The following RABGAP1L variants were observed in gnomAD, a reference collection of about 807,000 sequenced individuals.
RABGAP1L encodes rab GTPase-activating protein 1-like.
A neutral mutation model predicts 137.7 loss-of-function variants in RABGAP1L; 63 were observed. The ratio of observed to expected loss-of-function variants is 0.46; its 90% CI spans 0.37 to 0.56. The LOEUF (loss-of-function observed/expected upper bound fraction) is 0.56, where lower values mean the gene tolerates loss of function less well. Ranked by LOEUF, RABGAP1L falls within the 20% of genes least tolerant of loss-of-function variation. The pLI is 0.00. For synonymous variants in RABGAP1L, 431 were observed against 433.7 expected (o/e 0.99, Z 0.08); for missense variants, 1,095 against 1,244.0 (o/e 0.88, Z 1.80).
intron 1 of RABGAP1L, among the ~76,000 whole-genome samples, chr1:174,211,687 C>T (rs1668897636): frequency 6.6e-6 from 1 of 152,008 alleles, no homozygotes; most frequent in Admixed American, 6.6e-5. Flanking sequence ...AGAGTAGTGG[C>T]TGAATGTATA....
At chr1:174,959,862 T>C (rs1168783103) in intron 20 of RABGAP1L, among the ~76,000 whole-genome samples, 1 of 152,192 alleles carries the variant, frequency 6.6e-6, no homozygotes, top group Non-Finnish European at 1.5e-5. Context: ...CAATATGCAG[T>C]TTAAGAAGCC....
chr1:174,890,942 T>C (rs1390191163), intron 19 of RABGAP1L, among the ~76,000 whole-genome samples: 1 of 152,246 alleles, frequency 6.6e-6, no homozygotes, highest in Admixed American at 6.5e-5. Flanking sequence ...CAGTGAGTAA[T>C]CTTATATAAC....
At chr1:174,589,662 C>G (rs1669400384) in intron 13 of RABGAP1L, among the ~76,000 whole-genome samples, 1 of 152,152 alleles carries the variant, frequency 6.6e-6, no homozygotes, top group African/African-American at 2.4e-5. Flanking sequence ...GGTCTAGTTT[C>G]ATTCTTCTGC....
chr1:174,866,343 G>T (rs140588606), intron 19 of RABGAP1L, among the ~76,000 whole-genome samples: 1 of 152,108 alleles, frequency 6.6e-6, no homozygotes, highest in Non-Finnish European at 1.5e-5. Flanking sequence ...CATTGCCACT[G>T]CCACCACTAT....
chr1:174,562,639 T>C (rs1381185216), intron 13 of RABGAP1L, among the ~76,000 whole-genome samples: 10 of 152,042 alleles, frequency 6.6e-5, no homozygotes, highest in Admixed American at 6.6e-4. Flanking sequence ...GATAAAGAAA[T>C]GTGGCACGTA....
At chr1:174,441,948 A>G (rs1269132556) in intron 13 of RABGAP1L, among the ~76,000 whole-genome samples, 2 of 151,986 alleles carry the variant, frequency 1.3e-5, no homozygotes, top group Non-Finnish European at 2.9e-5. Flanking sequence ...AAGCATGTGC[A>G]ATTATCAATT....
chr1:174,699,117 C>G (rs1679466469), intron 15 of RABGAP1L, among the ~76,000 whole-genome samples: 1 of 152,010 alleles, frequency 6.6e-6, no homozygotes, highest in South Asian at 2.1e-4. Flanking sequence ...CCTCATCCTC[C>G]CAAGTAGCTG....
intron 20 of RABGAP1L, among the ~76,000 whole-genome samples, chr1:174,968,552 G>GT (rs1385369570): frequency 6.8e-5 from 8 of 117,680 alleles, no homozygotes; most frequent in Non-Finnish European, 1.1e-4. Context: ...TTTTTTGTTT[G>GT]TTTTTTTATC....
intron 18 of RABGAP1L, among the ~76,000 whole-genome samples, chr1:174,768,228 A>G (rs751785580): frequency 1.3e-5 from 2 of 152,236 alleles, no homozygotes; most frequent in Admixed American, 6.5e-5. Flanking sequence ...CTAGGCAGAC[A>G]TGAACAGGAC....
chr1:174,950,506 A>T (rs1667547672), intron 19 of RABGAP1L, among the ~76,000 whole-genome samples: 2 of 152,056 alleles, frequency 1.3e-5, no homozygotes, highest in South Asian at 4.2e-4. Context: ...ATTCCTTTTC[A>T]TCTGTTTCTT....
chr1:174,432,423 C>T (rs1298835406), intron 13 of RABGAP1L, among the ~76,000 whole-genome samples: 1 of 152,150 alleles, frequency 6.6e-6, no homozygotes, highest in Non-Finnish European at 1.5e-5. Flanking sequence ...GTAAGATCCA[C>T]GTACCTTAGG....
At chr1:174,441,953 T>C (rs982083189) in intron 13 of RABGAP1L, among the ~76,000 whole-genome samples, 3 of 151,748 alleles carry the variant, frequency 2.0e-5, no homozygotes, top group African/African-American at 7.3e-5. Context: ...TGTGCAATTA[T>C]CAATTATTTA....
chr1:174,299,104 A>G (rs951678629), intron 10 of RABGAP1L, among the ~76,000 whole-genome samples: 2 of 152,236 alleles, frequency 1.3e-5, no homozygotes, highest in African/African-American at 4.8e-5. Context: ...CTTTAGTTTT[A>G]TACTTGGCCT....
At chr1:174,784,026 T>C (rs1286309778) in intron 18 of RABGAP1L, among the ~76,000 whole-genome samples, 1 of 127,238 alleles carries the variant, frequency 7.9e-6, no homozygotes, top group African/African-American at 3.0e-5. Context: ...TTTTTTTTTT[T>C]TTTTTTTTTT....
At chr1:174,732,174 G>A (rs1200182895) in intron 17 of RABGAP1L, among the ~76,000 whole-genome samples, 2 of 149,224 alleles carry the variant, frequency 1.3e-5, no homozygotes, top group Admixed American at 1.3e-4. Flanking sequence ...ATTCCAGCCT[G>A]GCGACAGAGT....
chr1:174,953,803 G>A (rs920883997), intron 19 of RABGAP1L, among the ~76,000 whole-genome samples: 3 of 152,180 alleles, frequency 2.0e-5, no homozygotes, highest in African/African-American at 4.8e-5. Context: ...GGGAAAGGAC[G>A]CAAACCTTCT....
intron 14 of RABGAP1L, among the ~76,000 whole-genome samples, chr1:174,662,486 G>A (rs1308784891): frequency 2.0e-5 from 3 of 151,792 alleles, no homozygotes; most frequent in African/African-American, 2.4e-5. Flanking sequence ...GCGCAATCTC[G>A]GCTCACTGCA....
chr1:174,942,347 A>T (rs537277817), intron 19 of RABGAP1L, among the ~76,000 whole-genome samples: 2 of 152,352 alleles, frequency 1.3e-5, no homozygotes, highest in East Asian at 3.9e-4. Flanking sequence ...TTCCTAGCCA[A>T]TTTGAAGCAG....
Position 174,871,225 on chromosome 1 carries a change from G to A in RABGAP1L, c.2340+59265G>A, listed in dbSNP as rs941764465. 5.9e-5 allele frequency among the ~76,000 whole-genome samples: 9 copies of A among 151,552 alleles called. No individual in the cohort carries two copies. In the South Asian group the frequency reaches 6.3e-4, roughly 11 times the overall value. On this transcript the variant is annotated intron_variant, in intron 19 of 25. Transcript: ENST00000681986. ...GTCACCTAGGCTGGAGTGCAGTGGC[G>A]CGATCTCAGCTGATTCTCCTGCCTC...
Sources: gnomAD v4.1 joint callset for allele counts (sites outside exome capture counted in the v4.1 genomes callset) on GRCh38, gnomAD v4.1.1 for gene constraint, MANE v1.5 for transcripts, NCBI Gene and HGNC (gene_info 2026-07-23, HGNC 2026-07-21) for gene names.